PLA2G4A: variants seen among roughly 807,000 people sequenced by gnomAD.
The protein encoded by PLA2G4A is phospholipase A2 group IVA.
A neutral mutation model predicts 81.9 loss-of-function variants in PLA2G4A; 40 were observed. The observed-to-expected ratio is 0.49, with a 90% CI of 0.38 to 0.64. PLA2G4A has a LOEUF of 0.64. Among genes scored for constraint, PLA2G4A ranks in the 30% least tolerant of loss-of-function variants. The probability of loss-of-function intolerance (pLI) is 0.00; values close to 1 mark genes in which losing one functional copy is unlikely to be tolerated. For missense variants in PLA2G4A, 715 were observed against 905.1 expected, an observed-to-expected ratio of 0.79 and a Z score of 2.69; for synonymous variants, 302 against 296.9, an observed-to-expected ratio of 1.02 and a Z score of -0.18.
chr1:186,966,526 G>A lies in PLA2G4A; in HGVS notation c.1764+933G>A, dbSNP rs1657136970. ...AAGTTTTATAGGAATTAGGAGTCAA[G>A]GTTAACTTGTGAGGATAAAAATATG... On this transcript the variant is annotated intron_variant, in intron 15 of 17. Transcript: ENST00000367466. 2.6e-5 allele frequency among the ~76,000 whole-genome samples: 4 copies of A among 152,172 alleles called. No homozygotes were observed. In the South Asian group the frequency reaches 8.3e-4, roughly 31 times the overall value.
intron 3 of PLA2G4A, among the ~76,000 whole-genome samples, chr1:186,877,629 T>C (rs1213846018): frequency 1.4e-5 from 2 of 146,556 alleles, no homozygotes; most frequent in Admixed American, 7.0e-5. Context: ...TCAGCAGCTG[T>C]CTAGATTTCT....
At chr1:186,898,279 A>G (rs1371256809) in intron 5 of PLA2G4A, among the ~76,000 whole-genome samples, 2 of 152,194 alleles carry the variant, frequency 1.3e-5, no homozygotes, top group Non-Finnish European at 2.9e-5. Context: ...AAACTGCACA[A>G]AAAGTACAAT....
intron 15 of PLA2G4A, among the ~76,000 whole-genome samples, chr1:186,971,452 C>G (rs1401903290): frequency 6.6e-6 from 1 of 151,806 alleles, no homozygotes; most frequent in Admixed American, 6.6e-5. Context: ...TATATACTTC[C>G]TTTTATTATT....
intron 1 of PLA2G4A, among the ~76,000 whole-genome samples, chr1:186,851,938 A>G (rs1203903381): frequency 6.6e-6 from 1 of 151,986 alleles, no homozygotes; most frequent in Non-Finnish European, 1.5e-5. Context: ...TTAACAGTGT[A>G]AGACAGCATA....
intron 2 of PLA2G4A, among the ~76,000 whole-genome samples, chr1:186,857,294 ATATAT>A (rs1357828390): frequency 2.6e-4 from 30 of 115,248 alleles, no homozygotes; most frequent in African/African-American, 1.0e-3. Flanking sequence ...TATTATATGT[ATATAT>A]TATATTTATA....
intron 1 of PLA2G4A, among the ~76,000 whole-genome samples, chr1:186,835,212 G>T (rs1651736208): frequency 6.6e-6 from 1 of 152,110 alleles, no homozygotes; most frequent in African/African-American, 2.4e-5. Flanking sequence ...CAAGTTAAAT[G>T]CAGTACACAG....
intron 1 of PLA2G4A, among the ~76,000 whole-genome samples, chr1:186,830,966 C>CTT (rs1553266594): frequency 1.5e-5 from 1 of 65,308 alleles, no homozygotes; most frequent in East Asian, 5.3e-4. Flanking sequence ...TGCTTTCTTT[C>CTT]TTTCTTTCTT....
At chr1:186,908,968 C>CTTTTTTTT (rs1201226836) in intron 6 of PLA2G4A, among the ~76,000 whole-genome samples, 88 of 74,958 alleles carry the variant, frequency 1.2e-3, no homozygotes, top group Non-Finnish European at 1.6e-3. Context: ...CTTTTCTTTT[C>CTTTTTTTT]TTTTTTTTTT....
At chr1:186,911,908 C>T (rs986771089) in intron 7 of PLA2G4A, among the ~76,000 whole-genome samples, 7 of 152,236 alleles carry the variant, frequency 4.6e-5, no homozygotes, top group Admixed American at 2.0e-4. Flanking sequence ...AACTCCCAGT[C>T]AGAGGCTGGG....
At position 186,956,349 on chromosome 1, in the gene PLA2G4A, G is replaced by A. The variant is rs1486279862; in HGVS notation, c.1579+5G>A. On this transcript the variant is annotated splice_donor_5th_base_variant and intron_variant, in intron 14 of 17. Transcript: ENST00000367466. ...AACTGGATGCAGCTGTAGCAGGTAA[G>A]TGTACAAATATAATTAGTGGGAGCT... 6.2e-7 allele frequency: 1 copy of A among 1,613,138 alleles called. No homozygotes were observed. Among genetic ancestry groups the A allele is most frequent in the Non-Finnish European group, 8.5e-7 (1 of 1,179,212 alleles).
intron 3 of PLA2G4A, among the ~76,000 whole-genome samples, chr1:186,880,381 A>AT (rs1481573263): frequency 1.3e-5 from 2 of 151,938 alleles, no homozygotes; most frequent in African/African-American, 2.4e-5. Context: ...GAGCTTAGCT[A>AT]TTTTTTTATG....
chr1:186,880,484 G>A (rs1431450570), intron 3 of PLA2G4A, among the ~76,000 whole-genome samples: 1 of 151,800 alleles, frequency 6.6e-6, no homozygotes, highest in Non-Finnish European at 1.5e-5. Flanking sequence ...GTGCACACTG[G>A]GCAATATTCT....
chr1:186,953,241 G>A (rs528873992), intron 13 of PLA2G4A, among the ~76,000 whole-genome samples: 4 of 152,262 alleles, frequency 2.6e-5, no homozygotes, highest in South Asian at 4.1e-4. Context: ...TATTACCTGT[G>A]CTTTGGATAT....
At chr1:186,949,859 CAAAA>C (rs10592003) in intron 12 of PLA2G4A, among the ~76,000 whole-genome samples, 42,899 of 147,124 alleles carry the variant, frequency 0.29, 8,028 homozygotes, top group African/African-American at 0.53. Flanking sequence ...TCATTTCTAC[CAAAA>C]AAAAAAAAAA....
rs377131357 is a variant in PLA2G4A at position 186,844,235 on chromosome 1, C to G, written c.-69-10051C>G. 2.0e-5 allele frequency among the ~76,000 whole-genome samples: 3 copies of G among 152,180 alleles called. No homozygotes were observed. In the East Asian group the frequency reaches 5.8e-4, roughly 29 times the overall value. Reference sequence around the variant, plus strand: ...GAGACATTTTTAATATAAAGCATCTCATTTACCCATCTGAATTCCTATTGT... The same window carrying G: ...GAGACATTTTTAATATAAAGCATCTGATTTACCCATCTGAATTCCTATTGT... On this transcript the variant is annotated intron_variant, in intron 1 of 17. Transcript: ENST00000367466.
At chr1:186,919,966 T>G (rs962768918) in intron 7 of PLA2G4A, among the ~76,000 whole-genome samples, 2 of 152,140 alleles carry the variant, frequency 1.3e-5, no homozygotes, top group Non-Finnish European at 2.9e-5. Flanking sequence ...CTGGATTCCT[T>G]TGAGAGCTTC....
intron 2 of PLA2G4A, among the ~76,000 whole-genome samples, chr1:186,855,970 C>A (rs761564433): frequency 1.3e-5 from 2 of 151,922 alleles, no homozygotes; most frequent in Non-Finnish European, 2.9e-5. Flanking sequence ...AATGTAAATC[C>A]TCCAATTTTT....
intron 2 of PLA2G4A, among the ~76,000 whole-genome samples, chr1:186,860,062 ATTTC>A (rs532945132): frequency 1.8e-3 from 271 of 152,228 alleles, no homozygotes; most frequent in African/African-American, 5.7e-3. Flanking sequence ...GGCAAATAGA[ATTTC>A]TTTGAGCACT....
At chr1:186,897,429 T>G (rs922187660) in intron 5 of PLA2G4A, among the ~76,000 whole-genome samples, 33 of 152,302 alleles carry the variant, frequency 2.2e-4, no homozygotes, top group African/African-American at 6.5e-4. Context: ...TTGGATTAAA[T>G]TTTTCTAAGC....
Sources: allele counts gnomAD v4.1 joint callset (sites outside exome capture counted in the v4.1 genomes callset), GRCh38; gene constraint gnomAD v4.1.1; transcripts MANE v1.5; gene names NCBI Gene and HGNC (gene_info 2026-07-23, HGNC 2026-07-21).